DAB2IP: variants seen among roughly 807,000 people sequenced by gnomAD.
DAB2IP encodes disabled homolog 2-interacting protein.
Under a neutral mutation model 107.2 loss-of-function variants are expected in DAB2IP, and 28 were observed. That is an observed-to-expected ratio of 0.26 (90% CI 0.19 to 0.36). The LOEUF (loss-of-function observed/expected upper bound fraction) is 0.36. DAB2IP is among the 10% of genes least tolerant of loss of function. The pLI is 1.00. For synonymous variants in DAB2IP, 755 were observed against 706.4 expected (o/e 1.07, Z -1.09); for missense variants, 1,400 against 1,644.7 (o/e 0.85, Z 2.57).
chr9:121,575,778 T>A (rs599228), intron 1 of DAB2IP, among the ~76,000 whole-genome samples: 1 of 151,960 alleles, frequency 6.6e-6, no homozygotes, highest in East Asian at 1.9e-4. Flanking sequence ...CTGGGCTGCT[T>A]AGCCCACCCT....
intron 3 of DAB2IP, among the ~76,000 whole-genome samples, chr9:121,731,136 A>AT (rs917121331): frequency 5.9e-5 from 9 of 152,122 alleles, no homozygotes; most frequent in Middle Eastern, 3.4e-3. Flanking sequence ...TGTTATATAT[A>AT]TTTTTTTGTT....
At chr9:121,778,253 T>C (rs538633565) in intron 14 of DAB2IP, among the ~76,000 whole-genome samples, 2 of 152,308 alleles carry the variant, frequency 1.3e-5, no homozygotes, top group South Asian at 4.2e-4. Flanking sequence ...GCAAAGCCCA[T>C]AGGATGTAAT....
Position 121,776,446 on chromosome 9 carries a change from T to C in DAB2IP, c.3314+55T>C, listed in dbSNP as rs1835206488. ...CAGGCACAGGCAGGGCAGCCATCGC[T>C]GCCTTCGAGGAGGCCCCTGGTCGGG... On this transcript the variant is annotated intron_variant, in intron 14 of 15. Coordinates refer to ENST00000408936, the Ensembl canonical transcript of DAB2IP. The surrounding 1 kb of genome is among the most constrained non-coding windows in gnomAD (Gnocchi z 5.4). 1.4e-6 allele frequency: 2 copies of C among 1,459,516 alleles called. No homozygotes were observed. Among genetic ancestry groups the C allele is most frequent in the South Asian group, 1.4e-5 (1 of 69,182 alleles). 90.4% of individuals were successfully genotyped at this position (1,459,516 alleles called of 1,614,324 possible).
intron 1 of DAB2IP, among the ~76,000 whole-genome samples, chr9:121,570,484 C>A (rs1387133198): frequency 6.6e-6 from 1 of 152,124 alleles, no homozygotes; most frequent in Non-Finnish European, 1.5e-5. Flanking sequence ...CATTTCCAGA[C>A]AGAGCCACGC....
rs116687325 is a variant in DAB2IP, at chr9:121,570,657, T to A, written c.40+3429T>A. Among the ~76,000 whole-genome samples, 217 of 152,176 alleles carry A rather than the reference T, an allele frequency of 1.4e-3. 1 individual carries two copies. Among genetic ancestry groups the A allele is most frequent in the African/African-American group, 4.9e-3 (202 of 41,520 alleles). Reference sequence around the variant, plus strand: ...TCGAACTCCTGGGTGTAAGCAATCCTCCTGCTTCAGCCTTCAGAATAGCTG... The same window carrying A: ...TCGAACTCCTGGGTGTAAGCAATCCACCTGCTTCAGCCTTCAGAATAGCTG... On this transcript the variant is annotated intron_variant, in intron 1 of 16. Transcript: ENST00000259371.
At chr9:121,783,870 T>A in exon 16 of DAB2IP, 1 of 412,120 alleles carries the variant, frequency 2.4e-6, no homozygotes. Context: ...TCTCGGCCCC[T>A]GTCTGTTCCC....
intron 3 of DAB2IP, among the ~76,000 whole-genome samples, chr9:121,735,791 G>C (rs1831855337): frequency 6.6e-6 from 1 of 152,214 alleles, no homozygotes; most frequent in South Asian, 2.1e-4. Context: ...GGTGACCCCA[G>C]GCAAAAATAC....
At chr9:121,711,593 C>T (rs932162864) in intron 3 of DAB2IP, among the ~76,000 whole-genome samples, 3 of 152,218 alleles carry the variant, frequency 2.0e-5, no homozygotes, top group African/African-American at 7.2e-5. Flanking sequence ...TATGTCTCCT[C>T]AGAAGCATGT....
chr9:121,716,828 C>T (rs1035367857), intron 3 of DAB2IP, among the ~76,000 whole-genome samples: 1 of 152,198 alleles, frequency 6.6e-6, no homozygotes, highest in African/African-American at 2.4e-5. Context: ...CAGTGCCACA[C>T]GTTTCCCATG....
intron 1 of DAB2IP, among the ~76,000 whole-genome samples, chr9:121,591,542 G>C (rs1830422698): frequency 6.6e-6 from 1 of 151,862 alleles, no homozygotes; most frequent in Non-Finnish European, 1.5e-5. Context: ...GAGGCCACAT[G>C]ATGGCAACAA....
At chr9:121,608,395 G>T (rs549534597) in intron 1 of DAB2IP, among the ~76,000 whole-genome samples, 4 of 152,266 alleles carry the variant, frequency 2.6e-5, no homozygotes, top group Admixed American at 2.6e-4. Context: ...GGAGGGAAGC[G>T]GGTTGGTGGA....
intron 10 of DAB2IP, among the ~76,000 whole-genome samples, chr9:121,769,828 G>T (rs1003294247): frequency 2.0e-5 from 3 of 152,244 alleles, no homozygotes; most frequent in African/African-American, 7.2e-5. Context: ...AATGGAAGGT[G>T]ATCAGTATTG....
intron 1 of DAB2IP, among the ~76,000 whole-genome samples, chr9:121,569,504 A>C (rs1829884603): frequency 6.6e-6 from 1 of 152,228 alleles, no homozygotes; most frequent in South Asian, 2.1e-4. Flanking sequence ...TGACTCACAC[A>C]ACAAAGATTT....
intron 1 of DAB2IP, among the ~76,000 whole-genome samples, chr9:121,574,485 AG>A (rs1564678824): frequency 6.6e-6 from 1 of 152,106 alleles, no homozygotes; most frequent in African/African-American, 2.4e-5. Flanking sequence ...CCCTTCTATA[AG>A]TGAAAAAATT....
rs570705595 is a variant in DAB2IP, at chr9:121,772,823, G to A, written c.2295G>A (p.Ala765=). Residue 765 remains alanine (A), a synonymous_variant, in exon 12 of 16, where the codon GCG becomes GCA. Coordinates refer to ENST00000408936, the Ensembl canonical transcript of DAB2IP. This position sits in a 1 kb window ranked among gnomAD's most constrained non-coding sequence, Gnocchi z 4.7. The stretch of plus-strand genomic sequence containing the variant: ...TGGATGGGGAGGCAGGCTCCCCGGC[G>A]GGCCCCGACGTCCTCCCCACAGATG... The A allele has an allele frequency of 4.4e-6, 7 of 1,605,288 alleles. No individual in the cohort carries two copies. The highest frequency in any genetic ancestry group is 2.2e-5 in the East Asian group (1 of 44,678).
At chr9:121,609,151 G>A (rs1209029417) in intron 1 of DAB2IP, among the ~76,000 whole-genome samples, 1 of 152,130 alleles carries the variant, frequency 6.6e-6, no homozygotes, top group East Asian at 1.9e-4. Context: ...TGCCATGTTG[G>A]CCGGGCTGGT....
intron 2 of DAB2IP, among the ~76,000 whole-genome samples, chr9:121,685,781 C>T (rs113414623): frequency 1.2e-4 from 19 of 152,338 alleles, no homozygotes; most frequent in African/African-American, 3.8e-4. Context: ...AAGGGCCAGC[C>T]GGGGCTTGGT....
intron 1 of DAB2IP, among the ~76,000 whole-genome samples, chr9:121,675,300 T>C (rs1833853444): frequency 1.3e-5 from 2 of 152,042 alleles, no homozygotes; most frequent in Admixed American, 1.3e-4. Flanking sequence ...GGTAAAGGTG[T>C]GGAGGTGGGA....
At position 121,754,312 on chromosome 9, in the gene DAB2IP, G is replaced by A. The variant is rs79020568; in HGVS notation, c.363-2701G>A. Among the ~76,000 whole-genome samples, 112 of 152,308 alleles carry A rather than the reference G, an allele frequency of 7.4e-4. 1 individual carries two copies. The East Asian group carries it at 0.019, about 26-fold the overall frequency. ...ACTCCAGGCTGGTCAGGAAGGAAAC[G>A]CATAGGAACGTGAGTGAGAGAGTAC... is the stretch of plus-strand genomic sequence containing the variant. On this transcript the variant is annotated intron_variant, in intron 3 of 15. Transcript: ENST00000408936.
Sources: allele counts gnomAD v4.1 joint callset (sites outside exome capture counted in the v4.1 genomes callset), GRCh38; gene constraint gnomAD v4.1.1; non-coding constraint Gnocchi (gnomAD v3.1); transcripts MANE v1.5; gene names NCBI Gene and HGNC (gene_info 2026-07-23, HGNC 2026-07-21).